PPP3CA: variants seen among roughly 807,000 people sequenced by gnomAD.
The protein encoded by PPP3CA is protein phosphatase 3 catalytic subunit alpha, also known as CAM-PRP catalytic subunit.
PPP3CA carries 14 observed loss-of-function variants against 66.5 expected under a neutral mutation model. The observed-to-expected ratio is 0.21, with a 90% CI of 0.14 to 0.33. The LOEUF is 0.33. Among genes scored for constraint, PPP3CA ranks in the 10% least tolerant of loss-of-function variants. The probability of loss-of-function intolerance (pLI) is 1.00; values close to 1 mark genes in which losing one functional copy is unlikely to be tolerated. For synonymous variants in PPP3CA, 232 were observed against 226.2 expected, an observed-to-expected ratio of 1.03 and a Z score of -0.23; for missense variants, 317 against 639.5, an observed-to-expected ratio of 0.50 and a Z score of 5.44.
intron 1 of PPP3CA, among the ~76,000 whole-genome samples, chr4:101,299,110 T>G (rs923755146): frequency 2.3e-5 from 2 of 88,452 alleles, no homozygotes; most frequent in Non-Finnish European, 4.2e-5. Context: ...TATATCGTTT[T>G]TTTTTTTTTT....
intron 2 of PPP3CA, among the ~76,000 whole-genome samples, chr4:101,170,776 C>T (rs1433446161): frequency 6.6e-6 from 1 of 152,104 alleles, no homozygotes; most frequent in African/African-American, 2.4e-5. Flanking sequence ...ATTAATCATT[C>T]TTATCTGTTC....
intron 1 of PPP3CA, among the ~76,000 whole-genome samples, chr4:101,276,452 A>T (rs1727497760): frequency 6.6e-6 from 1 of 152,196 alleles, no homozygotes; most frequent in Non-Finnish European, 1.5e-5. Flanking sequence ...AAATAGTTTC[A>T]GTCTTTAGTT....
intron 1 of PPP3CA, among the ~76,000 whole-genome samples, chr4:101,274,581 G>A (rs1430129803): frequency 2.0e-5 from 3 of 152,072 alleles, no homozygotes; most frequent in Non-Finnish European, 4.4e-5. Flanking sequence ...TTCAACATGA[G>A]ATTCTTCCAG....
intron 1 of PPP3CA, among the ~76,000 whole-genome samples, chr4:101,342,299 T>C (rs1729842622): frequency 6.6e-6 from 1 of 152,178 alleles, no homozygotes; most frequent in African/African-American, 2.4e-5. Context: ...TTGATTATTC[T>C]AATTGATGGC....
chr4:101,048,993 G>A (rs1238118582), intron 10 of PPP3CA, among the ~76,000 whole-genome samples: 1 of 152,052 alleles, frequency 6.6e-6, no homozygotes, highest in Non-Finnish European at 1.5e-5. Context: ...AAGGCCAGAA[G>A]AGCCTAAATT....
chr4:101,141,602 T>C (rs1345084517), intron 2 of PPP3CA, among the ~76,000 whole-genome samples: 2 of 152,158 alleles, frequency 1.3e-5, no homozygotes, highest in African/African-American at 2.4e-5. Context: ...ATTTATTGAG[T>C]ACCCTACTGA....
chr4:101,036,722 A>G (rs1447040630), intron 11 of PPP3CA, among the ~76,000 whole-genome samples: 1 of 152,092 alleles, frequency 6.6e-6, no homozygotes, highest in African/African-American at 2.4e-5. Flanking sequence ...TTATGTCCAC[A>G]TTTCTAACCC....
chr4:101,031,353 A>AATTT (rs758870531), intron 12 of PPP3CA, among the ~76,000 whole-genome samples: 3 of 152,124 alleles, frequency 2.0e-5, no homozygotes, highest in Non-Finnish European at 4.4e-5. Flanking sequence ...TTTTCATTTT[A>AATTT]ATTTTTTTCT....
intron 1 of PPP3CA, among the ~76,000 whole-genome samples, chr4:101,298,125 T>C (rs1221174110): frequency 6.6e-6 from 1 of 152,066 alleles, no homozygotes; most frequent in Admixed American, 6.6e-5. Flanking sequence ...ATTTCTCCTA[T>C]ATATATCCTA....
chr4:101,157,234 G>C (rs1323376872), intron 2 of PPP3CA, among the ~76,000 whole-genome samples: 1 of 152,124 alleles, frequency 6.6e-6, no homozygotes, highest in African/African-American at 2.4e-5. Flanking sequence ...AGTACCTCCA[G>C]GTAAACTGCA....
intron 1 of PPP3CA, among the ~76,000 whole-genome samples, chr4:101,287,846 A>G (rs1000537935): frequency 6.6e-6 from 1 of 151,738 alleles, no homozygotes; most frequent in Non-Finnish European, 1.5e-5. Flanking sequence ...CTTTAAATTT[A>G]TATTGCTAAT....
At chr4:101,213,554 T>C (rs1725369926) in intron 1 of PPP3CA, among the ~76,000 whole-genome samples, 1 of 152,146 alleles carries the variant, frequency 6.6e-6, no homozygotes, top group South Asian at 2.1e-4. Context: ...CTTTTATGAA[T>C]ATGAGGTTTT....
intron 2 of PPP3CA, 124 bp from the exon 3 acceptor site, chr4:101,109,202 A>G (rs1300804458): frequency 9.8e-7 from 1 of 1,021,370 alleles, no homozygotes; most frequent in Non-Finnish European, 1.4e-6. Flanking sequence ...ATTCTTTTGC[A>G]GAACAAGAAG....
At chr4:101,146,500 T>C (rs1018909947) in intron 2 of PPP3CA, among the ~76,000 whole-genome samples, 3 of 151,950 alleles carry the variant, frequency 2.0e-5, no homozygotes, top group Non-Finnish European at 2.9e-5. Flanking sequence ...TGGAGTGCAG[T>C]GGCACAATCT....
intron 2 of PPP3CA, among the ~76,000 whole-genome samples, chr4:101,122,259 G>A (rs1466870117): frequency 6.6e-6 from 1 of 152,188 alleles, no homozygotes; most frequent in Non-Finnish European, 1.5e-5. Flanking sequence ...TGTGACTGAG[G>A]TCACAACACT....
intron 1 of PPP3CA, among the ~76,000 whole-genome samples, chr4:101,272,571 G>C (rs1326137507): frequency 6.6e-6 from 1 of 152,168 alleles, no homozygotes; most frequent in African/African-American, 2.4e-5. Flanking sequence ...CTTATGCTCA[G>C]AGAAGTAGCA....
At chr4:101,297,190 A>G (rs150398751) in intron 1 of PPP3CA, among the ~76,000 whole-genome samples, 108 of 152,228 alleles carry the variant, frequency 7.1e-4, no homozygotes, top group African/African-American at 2.4e-3. Context: ...GCTACGTGAC[A>G]AGTTGTCTGG....
intron 1 of PPP3CA, among the ~76,000 whole-genome samples, chr4:101,237,195 T>C (rs934440569): frequency 4.9e-5 from 6 of 122,820 alleles, no homozygotes; most frequent in Non-Finnish European, 1.1e-4. Context: ...CAATTTCTCC[T>C]GCAACGTCAA....
chr4:101,163,542 C>G (rs571895396), intron 2 of PPP3CA, among the ~76,000 whole-genome samples: 14 of 152,262 alleles, frequency 9.2e-5, no homozygotes, highest in Non-Finnish European at 1.6e-4. Context: ...CTCATCCTTT[C>G]TTATTCCCAC....
Sources: gnomAD v4.1 joint callset for allele counts (sites outside exome capture counted in the v4.1 genomes callset) on GRCh38, gnomAD v4.1.1 for gene constraint, MANE v1.5 for transcripts, NCBI Gene and HGNC (gene_info 2026-07-23, HGNC 2026-07-21) for gene names.